EDARADD: variants seen among roughly 807,000 people sequenced by gnomAD.
EDARADD encodes EDAR associated via death domain.
In EDARADD, 20 loss-of-function variants were observed where a neutral mutation model predicts 25.6. The ratio of observed to expected loss-of-function variants is 0.78; its 90% CI spans 0.55 to 1.14. The LOEUF is 1.14. Among genes scored for constraint, EDARADD ranks in the 50% most tolerant of loss-of-function variants. The probability of loss-of-function intolerance (pLI) is 0.00; values close to 1 mark genes in which losing one functional copy is unlikely to be tolerated. For missense variants in EDARADD, 225 were observed against 270.1 expected (o/e 0.83, Z 1.17); for synonymous variants, 86 against 94.4 (o/e 0.91, Z 0.52).
intron 4 of EDARADD, among the ~76,000 whole-genome samples, chr1:236,466,875 C>T (rs367808624): frequency 1.2e-4 from 19 of 152,094 alleles, no homozygotes; most frequent in South Asian, 8.3e-4. Context: ...GAGACCATCC[C>T]GGCCAACATG....
chr1:236,376,943 G>T (rs556188015), intron 3 of EDARADD, among the ~76,000 whole-genome samples: 1 of 151,888 alleles, frequency 6.6e-6, no homozygotes, highest in East Asian at 1.9e-4. Context: ...TTTTTCCTCA[G>T]CCATGTCCAG....
chr1:236,394,491 C>A lies in EDARADD; in HGVS notation c.47C>A (p.Pro16His), dbSNP rs1242213061. ...CAGATGGGGAGAGGCACTAAAGCTC[C>A]TGGTCACCAAGAGGGTATGTAGGCA... ...TKQMGRGTKA[P>H]GHQEDHMVKE... The change falls in exon 1 of 6, where the codon CCT becomes CAT. Residue 16 changes from proline (P) to histidine (H), a missense_variant. Transcript: ENST00000334232. The A allele has an allele frequency of 1.9e-6, 3 of 1,614,090 alleles. No individual in the cohort carries two copies. The highest frequency in any genetic ancestry group is 3.3e-4 in the Middle Eastern group (2 of 6,062).
intron 5 of EDARADD, among the ~76,000 whole-genome samples, chr1:236,479,464 C>T (rs920785164): frequency 6.6e-6 from 1 of 150,622 alleles, no homozygotes; most frequent in African/African-American, 2.4e-5. Context: ...CACTGCCATC[C>T]AACCTGGGCA....
intron 3 of EDARADD, among the ~76,000 whole-genome samples, chr1:236,368,256 T>C (rs571146536): frequency 2.0e-5 from 3 of 152,334 alleles, no homozygotes; most frequent in South Asian, 4.1e-4. Flanking sequence ...AGGAAGCCTC[T>C]GGCCGGCATT....
At chr1:236,405,790 T>TTTCTTTCTTTTTCTTTCTTTCTTTCTTTC (rs750188716) in intron 1 of EDARADD, among the ~76,000 whole-genome samples, 1 of 49,584 alleles carries the variant, frequency 2.0e-5, no homozygotes, top group East Asian at 3.3e-4. Context: ...TCTTTCTTTC[T>TTTCTTTCTTTTTCTTTCTTTCTTTCTTTC]TTTCTTTTTC....
chr1:236,401,255 TCA>T (rs1318724696), intron 1 of EDARADD, among the ~76,000 whole-genome samples: 1 of 152,022 alleles, frequency 6.6e-6, no homozygotes, highest in Non-Finnish European at 1.5e-5. Context: ...AATCCTGCAA[TCA>T]CACATTCAAA....
rs1204737606 is a variant in EDARADD, at chr1:236,484,261, G to A, written c.*1612G>A. On this transcript the variant is annotated 3_prime_UTR_variant, in exon 6 of 6. Coordinates refer to ENST00000334232, the MANE Select transcript of EDARADD (RefSeq NM_145861.4). This position sits in a 1 kb window ranked among gnomAD's most constrained non-coding sequence, Gnocchi z 4.1. ...AAGCTGGCCCAGGCCAATGGTTGGT[G>A]TGTCATGGTGCCTCATCATTCTGGG... 8.4e-6 allele frequency: 8 copies of A among 954,932 alleles called. No homozygotes were observed. Among genetic ancestry groups the A allele is most frequent in the Admixed American group, 3.4e-5 (2 of 58,854 alleles). 59.2% of individuals were successfully genotyped at this position (954,932 alleles called of 1,614,324 possible).
intron 3 of EDARADD, among the ~76,000 whole-genome samples, chr1:236,416,659 G>A (rs541375773): frequency 1.3e-5 from 2 of 152,244 alleles, no homozygotes; most frequent in Middle Eastern, 3.4e-3. Flanking sequence ...AGATTGGAGT[G>A]AACATTATTA....
At chr1:236,471,800 A>C (rs1380569894) in intron 5 of EDARADD, among the ~76,000 whole-genome samples, 1 of 152,192 alleles carries the variant, frequency 6.6e-6, no homozygotes, top group Non-Finnish European at 1.5e-5. Context: ...CAGAATGTGC[A>C]AGATAAAAGG....
At chr1:236,474,115 C>T (rs1456854736) in intron 5 of EDARADD, among the ~76,000 whole-genome samples, 4 of 152,054 alleles carry the variant, frequency 2.6e-5, no homozygotes, top group African/African-American at 9.7e-5. Context: ...GAAGTTGGAG[C>T]ACTGGGATTC....
chr1:236,437,863 C>G (rs1658301494), intron 4 of EDARADD, among the ~76,000 whole-genome samples: 1 of 151,678 alleles, frequency 6.6e-6, no homozygotes, highest in South Asian at 2.1e-4. Context: ...ATTCTCCCGC[C>G]TCAGCCTTCT....
At chr1:236,364,778 AT>A (rs1285207632) in intron 3 of EDARADD, among the ~76,000 whole-genome samples, 1 of 152,194 alleles carries the variant, frequency 6.6e-6, no homozygotes, top group East Asian at 1.9e-4. Context: ...ATTAGTTCTA[AT>A]AGCTCTTTTG....
At chr1:236,460,982 C>T (rs144188503) in intron 4 of EDARADD, among the ~76,000 whole-genome samples, 33 of 151,620 alleles carry the variant, frequency 2.2e-4, no homozygotes, top group African/African-American at 6.8e-4. Context: ...CCACCATGCC[C>T]GGCTAATTTT....
chr1:236,477,960 G>A (rs891979446), intron 5 of EDARADD, among the ~76,000 whole-genome samples: 9 of 151,970 alleles, frequency 5.9e-5, no homozygotes, highest in African/African-American at 2.2e-4. Flanking sequence ...AAAATTAGAC[G>A]GGTGTGATGG....
chr1:236,362,448 A>G (rs140542180), intron 3 of EDARADD, among the ~76,000 whole-genome samples: 1 of 152,314 alleles, frequency 6.6e-6, no homozygotes, highest in African/African-American at 2.4e-5. Context: ...ATGGATACAA[A>G]TCCTTTATCA....
intron 1 of EDARADD, among the ~76,000 whole-genome samples, chr1:236,403,456 T>A (rs1667651389): frequency 6.6e-6 from 1 of 151,376 alleles, no homozygotes; most frequent in Non-Finnish European, 1.5e-5. Context: ...CCCGGCTAAT[T>A]TTTTGTATTT....
intron 2 of EDARADD, 110 bp downstream of exon 2, chr1:236,409,384 A>G (rs1657359778): frequency 2.4e-6 from 2 of 837,660 alleles, no homozygotes; most frequent in Non-Finnish European, 2.0e-6. Flanking sequence ...AGAAACCCCA[A>G]AGTAAGATTT....
chr1:236,432,424 AGCCAAGAATCCAT>A (rs1658121804), intron 4 of EDARADD, among the ~76,000 whole-genome samples: 1 of 151,900 alleles, frequency 6.6e-6, no homozygotes, highest in African/African-American at 2.4e-5. Context: ...TCCAGTTTGT[AGCCAAGAATCCAT>A]GCCAAGAGGA....
chr1:236,478,680 G>A (rs995297573), intron 5 of EDARADD, among the ~76,000 whole-genome samples: 9 of 152,044 alleles, frequency 5.9e-5, no homozygotes, highest in South Asian at 2.1e-4. Context: ...TCCACCTCCC[G>A]AGTTGACGCC....
Sources: gnomAD v4.1 joint callset for allele counts (sites outside exome capture counted in the v4.1 genomes callset) on GRCh38, gnomAD v4.1.1 for gene constraint, Gnocchi (gnomAD v3.1) non-coding constraint, MANE v1.5 for transcripts, NCBI Gene and HGNC (gene_info 2026-07-23, HGNC 2026-07-21) for gene names.